Variants in EPC2 observed in about 807,000 individuals in gnomAD.
EPC2 encodes the protein enhancer of polycomb homolog 2.
In EPC2, 14 loss-of-function variants were observed where a neutral mutation model predicts 92.1. The ratio of observed to expected loss-of-function variants is 0.15; its 90% CI spans 0.10 to 0.24. The LOEUF (loss-of-function observed/expected upper bound fraction) is 0.24. Ranked by LOEUF, EPC2 falls within the 10% of genes least tolerant of loss-of-function variation. The pLI is 1.00. For synonymous variants in EPC2, 340 were observed against 334.7 expected (o/e 1.02, Z -0.17); for missense variants, 755 against 971.5 (o/e 0.78, Z 2.96).
rs146096989 is a variant in EPC2 at position 148,691,941 on chromosome 2, G to A, written c.313+1568G>A. 2.7e-5 allele frequency: 11 copies of A among 407,966 alleles called. No homozygotes were observed. The East Asian group carries it at 6.0e-4, about 22-fold the overall frequency. 25.3% of individuals were successfully genotyped at this position (407,966 alleles called of 1,614,324 possible). On this transcript the variant is annotated intron_variant, in intron 2 of 13. Coordinates refer to ENST00000258484, the MANE Select transcript of EPC2 (RefSeq NM_015630.4). ...GCATAAAGCTTTTTTCTTTCTTATG[G>A]TATATATAGTAATGTTGTGTCTTTT...
intron 3 of EPC2, among the ~76,000 whole-genome samples, chr2:148,748,293 C>T (rs184086224): frequency 2.6e-5 from 4 of 152,118 alleles, no homozygotes; most frequent in Non-Finnish European, 4.4e-5. Flanking sequence ...CTGTACAGCC[C>T]GCAGCACCAT....
intron 10 of EPC2, among the ~76,000 whole-genome samples, chr2:148,778,267 A>G (rs971168106): frequency 6.6e-6 from 1 of 152,216 alleles, no homozygotes; most frequent in African/African-American, 2.4e-5. Flanking sequence ...CAAGAGAAGC[A>G]GAGAATCTCA....
intron 2 of EPC2, among the ~76,000 whole-genome samples, chr2:148,695,458 A>G (rs1191422748): frequency 6.6e-6 from 1 of 152,226 alleles, no homozygotes; most frequent in Non-Finnish European, 1.5e-5. Context: ...TGTCAAGTCT[A>G]CATTGGAAAA....
At chr2:148,645,264 T>C (rs1683770362) in intron 1 of EPC2, 94 bp downstream of exon 1, 1 of 1,136,546 alleles carries the variant, frequency 8.8e-7, no homozygotes, top group Non-Finnish European at 1.2e-6. Flanking sequence ...TTACGCTCGC[T>C]GGAGGGCGCC....
intron 1 of EPC2, among the ~76,000 whole-genome samples, chr2:148,662,677 G>C (rs1489993925): frequency 1.3e-5 from 2 of 151,948 alleles, no homozygotes; most frequent in East Asian, 3.9e-4. Flanking sequence ...TGGGGTGGGG[G>C]GAGGCGGGAG....
intron 11 of EPC2, among the ~76,000 whole-genome samples, chr2:148,782,775 A>G (rs562328003): frequency 1.2e-4 from 18 of 152,076 alleles, no homozygotes; most frequent in Admixed American, 1.2e-3. Context: ...TAAGCCACTA[A>G]AAGCAAAACT....
intron 4 of EPC2, among the ~76,000 whole-genome samples, chr2:148,755,160 T>A (rs1310103981): frequency 2.0e-5 from 3 of 152,182 alleles, no homozygotes; most frequent in African/African-American, 4.8e-5. Context: ...GTGATTTTTT[T>A]AAACATTAGA....
chr2:148,677,916 CAA>C (rs1041960548), intron 1 of EPC2, among the ~76,000 whole-genome samples: 1 of 152,060 alleles, frequency 6.6e-6, no homozygotes, highest in African/African-American at 2.4e-5. Flanking sequence ...AGTGTGGACC[CAA>C]AGAGTGAGCA....
intron 6 of EPC2, 28 bp downstream of exon 6, chr2:148,762,830 A>G: frequency 1.3e-6 from 2 of 1,578,838 alleles, no homozygotes; most frequent in South Asian, 1.2e-5. Context: ...AGAAGCATGT[A>G]TGGATGGTAA....
intron 2 of EPC2, among the ~76,000 whole-genome samples, chr2:148,732,158 G>C (rs1353931453): frequency 6.6e-6 from 1 of 152,162 alleles, no homozygotes; most frequent in African/African-American, 2.4e-5. Flanking sequence ...AAAATCTTCT[G>C]TGGGAAGGGG....
chr2:148,765,526 C>G (rs1683390354), intron 7 of EPC2, among the ~76,000 whole-genome samples: 1 of 152,062 alleles, frequency 6.6e-6, no homozygotes, highest in African/African-American at 2.4e-5. Flanking sequence ...ACAATACTTT[C>G]CTTTTTACCA....
chr2:148,693,864 C>T (rs749689190), intron 2 of EPC2, among the ~76,000 whole-genome samples: 26 of 152,292 alleles, frequency 1.7e-4, no homozygotes, highest in Non-Finnish European at 3.5e-4. Context: ...CAGCATTGTT[C>T]TTGGTACTGT....
intron 10 of EPC2, among the ~76,000 whole-genome samples, chr2:148,773,523 A>G (rs1171690209): frequency 2.6e-5 from 4 of 152,262 alleles, no homozygotes; most frequent in Non-Finnish European, 4.4e-5. Flanking sequence ...AATAAGATCT[A>G]TCTTATTTAA....
intron 13 of EPC2, among the ~76,000 whole-genome samples, chr2:148,785,271 A>T (rs944037362): frequency 3.9e-5 from 6 of 152,118 alleles, no homozygotes; most frequent in Non-Finnish European, 8.8e-5. Flanking sequence ...AGAAAAGGAC[A>T]TCCAACTGTC....
intron 2 of EPC2, among the ~76,000 whole-genome samples, chr2:148,717,304 G>C (rs1682281219): frequency 6.7e-6 from 1 of 148,178 alleles, no homozygotes; most frequent in Non-Finnish European, 1.5e-5. Context: ...GTTTGCCCTT[G>C]GTCCTCTAGT....
At chr2:148,685,476 G>A (rs1387853636) in intron 1 of EPC2, among the ~76,000 whole-genome samples, 2 of 152,170 alleles carry the variant, frequency 1.3e-5, no homozygotes, top group Non-Finnish European at 2.9e-5. Flanking sequence ...TAAAAGTTAT[G>A]CTGGCTGGGC....
chr2:148,645,433 G>T, intron 1 of EPC2: 1 of 413,772 alleles, frequency 2.4e-6, no homozygotes, highest in Non-Finnish European at 4.4e-6. Context: ...GCCGTAAGCG[G>T]CGGCCGGGAA....
At chr2:148,727,342 G>C (rs1430722102) in intron 2 of EPC2, among the ~76,000 whole-genome samples, 1 of 152,040 alleles carries the variant, frequency 6.6e-6, no homozygotes, top group African/African-American at 2.4e-5. Flanking sequence ...TTTATAATTT[G>C]TTTTAAAATC....
chr2:148,676,697 C>T (rs1402873310), intron 1 of EPC2, among the ~76,000 whole-genome samples: 1 of 150,638 alleles, frequency 6.6e-6, no homozygotes, highest in African/African-American at 2.4e-5. Context: ...TGTTTTTTTA[C>T]TGCTGCCTAA....
Sources: allele counts gnomAD v4.1 joint callset (sites outside exome capture counted in the v4.1 genomes callset), GRCh38; gene constraint gnomAD v4.1.1; transcripts MANE v1.5; gene names NCBI Gene and HGNC (gene_info 2026-07-23, HGNC 2026-07-21).